The following SART1 variants were observed in gnomAD, a reference collection of about 807,000 sequenced individuals.
The protein encoded by SART1 is U4/U6.U5 tri-snRNP-associated protein 1.
Under a neutral mutation model 105.0 loss-of-function variants are expected in SART1, and 28 were observed. That is an observed-to-expected ratio of 0.27 (90% CI 0.20 to 0.37). The LOEUF (loss-of-function observed/expected upper bound fraction) is 0.37, where lower values mean the gene tolerates loss of function less well. SART1 is among the 10% of genes least tolerant of loss of function. The pLI, the probability that SART1 is intolerant of heterozygous loss-of-function variation, is 1.00. For missense variants in SART1, 894 were observed against 1,106.5 expected, an observed-to-expected ratio of 0.81 and a Z score of 2.72; for synonymous variants, 472 against 462.9, an observed-to-expected ratio of 1.02 and a Z score of -0.25.
chr11:65,964,839 T>A (rs568092939), intron 3 of SART1, among the ~76,000 whole-genome samples: 1 of 152,340 alleles, frequency 6.6e-6, no homozygotes, highest in Admixed American at 6.5e-5. Context: ...CAGACTGCGC[T>A]GTGCGGGGGT....
In SART1 at chr11:65,976,788, G is replaced by T. The variant is rs1285103422; in HGVS notation, c.1857+22G>T. 1 of 1,575,730 alleles carries T rather than the reference G, an allele frequency of 6.3e-7. No individual in the cohort carries two copies. Among genetic ancestry groups the T allele is most frequent in the South Asian group, 1.1e-5 (1 of 87,740 alleles). On this transcript the variant is annotated intron_variant, in intron 14 of 19. Transcript: ENST00000312397. The surrounding 1 kb of genome is among the most constrained non-coding windows in gnomAD (Gnocchi z 5.1). Reference sequence around the variant, plus strand: ...GGATGTGAGGGCCGCGCCGCTGGGGGGTGGGCGTTTGGGGGTGCTCAAGCT... The same window carrying T: ...GGATGTGAGGGCCGCGCCGCTGGGGTGTGGGCGTTTGGGGGTGCTCAAGCT...
rs748869636 is a variant in SART1, at chr11:65,976,422, T to G, written c.1600T>G (p.Ser534Ala). Reference sequence around the variant, plus strand: ...GGTGGAGATTGTGAAGAAGCTGGAGTCTCGCCAGCGGGGCTGGGAGGAGGA... The same window carrying G: ...GGTGGAGATTGTGAAGAAGCTGGAGGCTCGCCAGCGGGGCTGGGAGGAGGA... Reference protein sequence around the residue: ...KVVEIVKKLESRQRGWEEDED... With the variant: ...KVVEIVKKLEARQRGWEEDED... Residue 534 changes from serine to alanine, a missense_variant, in exon 13 of 20, where the codon TCT becomes GCT. Coordinates refer to ENST00000312397, the MANE Select transcript of SART1 (RefSeq NM_005146.5). The surrounding 1 kb of genome is among the most constrained non-coding windows in gnomAD (Gnocchi z 5.1). The G allele has an allele frequency of 1.4e-5, 22 of 1,557,096 alleles. No homozygotes were observed. The highest frequency in any genetic ancestry group is 1.9e-5 in the Non-Finnish European group (22 of 1,154,730).
intron 1 of SART1, among the ~76,000 whole-genome samples, chr11:65,962,665 C>G (rs1855171149): frequency 6.6e-6 from 1 of 152,154 alleles, no homozygotes; most frequent in South Asian, 2.1e-4. Context: ...GAGTGAGTTG[C>G]TCAGATCCGT....
In SART1 at chr11:65,967,303, G is replaced by C. The variant is rs200075642; in HGVS notation, c.1233G>C (p.Lys411Asn). ...KTKRRVKKIR[K>N]KEKEVVVRAD... ...AGCGGAGGGTGAAGAAAATCCGCAA[G>C]AAGGAGAAGGAGGTAGTAGTGCGGG... Residue 411 changes from lysine to asparagine, a missense_variant, in exon 10 of 20, where the codon AAG (lysine) becomes AAC (asparagine). Coordinates refer to ENST00000312397, the MANE Select transcript of SART1 (RefSeq NM_005146.5). 1 of 1,614,162 alleles carries C rather than the reference G, an allele frequency of 6.2e-7. No individual in the cohort carries two copies. Among genetic ancestry groups the C allele is most frequent in the African/African-American group, 1.3e-5 (1 of 75,048 alleles).
rs569774197 is a variant in SART1 at position 65,979,985 on chromosome 11, C to T, written c.*955C>T. Among the ~76,000 whole-genome samples, 38 of 152,108 alleles carry T rather than the reference C, an allele frequency of 2.5e-4. No homozygotes were observed. Among genetic ancestry groups the T allele is most frequent in the Admixed American group, 2.4e-3 (36 of 15,270 alleles). Reference sequence around the variant, plus strand: ...AAGATTAGCCAGGCGTGGTGGTGAGCGCCTGTAGTCCCAGCTACTTGGGAT... The same window carrying T: ...AAGATTAGCCAGGCGTGGTGGTGAGTGCCTGTAGTCCCAGCTACTTGGGAT... On this transcript the variant is annotated 3_prime_UTR_variant, in exon 20 of 20. Transcript: ENST00000312397.
intron 3 of SART1, 134 bp from the exon 4 acceptor site, chr11:65,964,958 G>A (rs1855217045): frequency 8.6e-7 from 1 of 1,159,808 alleles, no homozygotes; most frequent in African/African-American, 1.5e-5. Context: ...GTGGGAGCAG[G>A]GAGGTGAAGG....
intron 4 of SART1, 21 bp from the exon 5 acceptor site, chr11:65,965,321 A>G: frequency 6.3e-7 from 1 of 1,595,668 alleles, no homozygotes; most frequent in Non-Finnish European, 8.5e-7. Context: ...CTCCTTGAGC[A>G]TCACTTTTTC....
rs1036058813 is a variant in SART1, at chr11:65,977,191, T to C, written c.1945+90T>C. 3.3e-6 allele frequency: 3 copies of C among 909,670 alleles called. No individual in the cohort carries two copies. The Admixed American group carries it at 5.9e-5, about 18-fold the overall frequency. The allele number at this position is 909,670 out of a possible 1,614,324, so 56.3% of individuals were successfully genotyped here. The stretch of plus-strand genomic sequence containing the variant: ...CCCCTCCGGTCCCCTCTGCTGCCCC[T>C]TTCTCTCAGTCCCAATGCTGGAGCC... On this transcript the variant is annotated intron_variant, in intron 15 of 19. Transcript: ENST00000312397.
At chr11:65,964,294 C>G (rs1482689395) in intron 2 of SART1, 163 bp downstream of exon 2, 1 of 850,730 alleles carries the variant, frequency 1.2e-6, no homozygotes, top group Non-Finnish European at 1.9e-6. Flanking sequence ...AAACTAAAAC[C>G]TAAGAGTAAA....
chr11:65,977,940 A>G (rs1855518021), intron 17 of SART1, 41 bp downstream of exon 17: 1 of 1,590,500 alleles, frequency 6.3e-7, no homozygotes, highest in Non-Finnish European at 8.6e-7. Flanking sequence ...GGCCTGCCAC[A>G]GGGAGGCCAA....
At chr11:65,964,232 G>A in intron 2 of SART1, 101 bp downstream of exon 2, 7 of 1,058,954 alleles carry the variant, frequency 6.6e-6, no homozygotes, top group Non-Finnish European at 1.0e-5. Context: ...GCTAATCAGA[G>A]TTGGAAAGAT....
intron 12 of SART1, among the ~76,000 whole-genome samples, chr11:65,974,194 C>G (rs1855435342): frequency 1.9e-5 from 2 of 104,004 alleles, no homozygotes; most frequent in Admixed American, 1.0e-4. Flanking sequence ...AACCCCCTCT[C>G]TACTAAAAAA....
chr11:65,973,395 C>G (rs776095245), intron 12 of SART1, among the ~76,000 whole-genome samples: 3 of 151,990 alleles, frequency 2.0e-5, no homozygotes, highest in Non-Finnish European at 4.4e-5. Context: ...GAAGAGAAAG[C>G]CTAACTCACC....
chr11:65,974,112 C>G (rs1236050171), intron 12 of SART1, among the ~76,000 whole-genome samples: 1 of 146,944 alleles, frequency 6.8e-6, no homozygotes, highest in Non-Finnish European at 1.5e-5. Flanking sequence ...CCTGTAATAT[C>G]AGCACTTTGG....
Position 65,978,914 on chromosome 11 carries a change from C to T in SART1, c.2384C>T (p.Ala795Val), listed in dbSNP as rs369415657. 28 of 1,613,212 alleles carry T rather than the reference C, an allele frequency of 1.7e-5. No individual in the cohort carries two copies. Among genetic ancestry groups the T allele is most frequent in the Middle Eastern group, 1.6e-4 (1 of 6,084 alleles). Residue 795 changes from alanine to valine, a missense_variant and splice_region_variant, in exon 19 of 20, where the codon GCG (alanine) becomes GTG (valine). Ala to Val is a moderately conservative substitution (Grantham distance 64). Transcript: ENST00000312397. This position sits in a 1 kb window ranked among gnomAD's most constrained non-coding sequence, Gnocchi z 6.8. The stretch of plus-strand genomic sequence containing the variant: ...AGCGGCAGCGGCAAGAGCATGAACG[C>T]GTGAGTGGCTCGAGGCTGGTGGGGT... The part of the protein sequence containing the change: ...VLSGSGKSMN[A>V]NTITK
intron 12 of SART1, among the ~76,000 whole-genome samples, chr11:65,970,257 G>T (rs1418473384): frequency 6.6e-6 from 1 of 152,124 alleles, no homozygotes; most frequent in Non-Finnish European, 1.5e-5. Flanking sequence ...CTCCCGCATA[G>T]CCACACTGCC....
chr11:65,964,625 T>C, intron 3 of SART1, 55 bp downstream of exon 3: 2 of 1,555,308 alleles, frequency 1.3e-6, no homozygotes, highest in Non-Finnish European at 1.7e-6. Flanking sequence ...TGAAGGGGTC[T>C]TTGAAGAAGG....
Position 65,966,182 on chromosome 11 carries a change from C to G in SART1, c.945C>G (p.Pro315=). The G allele has an allele frequency of 6.2e-7, 1 of 1,614,032 alleles. No homozygotes were observed. The highest frequency in any genetic ancestry group is 8.5e-7 in the Non-Finnish European group (1 of 1,180,028). ...ELRKKKPDYL[P]YAEDESVDDL... is the part of the protein sequence containing the mutation. ...GGAAGAAGAAGCCTGACTACCTGCC[C>G]TATGCCGAGGACGAGAGCGTGGACG... Residue 315 remains proline (P), a synonymous_variant, in exon 8 of 20, where the codon CCC becomes CCG. Transcript: ENST00000312397.
Position 65,961,817 on chromosome 11 carries a change from G to A in SART1, c.37G>A (p.Ala13Thr). The part of the protein sequence containing the change: ...SSKKHRGEKE[A>T]AGTTAAAGTG... ...CAAGAAGCATCGCGGAGAGAAGGAG[G>A]CGGCCGGGACGACGGCGGCGGCCGG... The change falls in exon 1 of 20, where the codon GCG becomes ACG. Residue 13 changes from alanine (A) to threonine (T), a missense_variant. By Grantham distance (58) the Ala-to-Thr change is moderately conservative. Around this residue, in one of 2 missense-constraint regions of SART1, gnomAD observed 712 missense variants for 778.2 expected, o/e 0.91. Transcript: ENST00000312397. The A allele has an allele frequency of 6.4e-7, 1 of 1,563,020 alleles. No individual in the cohort carries two copies. The highest frequency in any genetic ancestry group is 8.6e-7 in the Non-Finnish European group (1 of 1,160,812).
Sources: gnomAD v4.1 joint callset for allele counts (sites outside exome capture counted in the v4.1 genomes callset) on GRCh38, gnomAD v4.1.1 for gene constraint, gnomAD v4.1.1 regional missense constraint, Gnocchi (gnomAD v3.1) non-coding constraint, MANE v1.5 for transcripts, NCBI Gene and HGNC (gene_info 2026-07-23, HGNC 2026-07-21) for gene names.